Variants in PCDH15 observed in about 807,000 individuals in gnomAD.
PCDH15 encodes protocadherin related 15.
A neutral mutation model predicts 178.5 loss-of-function variants in PCDH15; 129 were observed. The ratio of observed to expected loss-of-function variants is 0.72; its 90% confidence interval spans 0.63 to 0.84. The LOEUF is 0.84. Ranked by LOEUF, PCDH15 falls within the 40% of genes least tolerant of loss-of-function variation. PCDH15 has a pLI of 0.00. For synonymous variants in PCDH15, 800 were observed against 732.0 expected (o/e 1.09, Z -1.50); for missense variants, 2,230 against 2,099.9 (o/e 1.06, Z -1.21).
chr10:54,528,099 A>C (rs544141566), intron 2 of PCDH15, among the ~76,000 whole-genome samples: 2 of 152,176 alleles, frequency 1.3e-5, no homozygotes, highest in African/African-American at 4.8e-5. Flanking sequence ...AACTACTCAA[A>C]TCTTACTGAG....
At chr10:54,810,335 T>G (rs1213096301) in intron 3 of PCDH15, among the ~76,000 whole-genome samples, 1 of 152,092 alleles carries the variant, frequency 6.6e-6, no homozygotes, top group African/African-American at 2.4e-5. Flanking sequence ...CATTACAGTT[T>G]GCTATGTGAC....
intron 10 of PCDH15, among the ~76,000 whole-genome samples, chr10:54,198,852 T>A (rs114192429): frequency 0.014 from 2,183 of 152,182 alleles, 41 homozygotes; most frequent in African/African-American, 0.05. Context: ...CTACAACTTT[T>A]CCTCTTTCCC....
At chr10:53,873,641 G>C (rs1292729140) in intron 26 of PCDH15, among the ~76,000 whole-genome samples, 2 of 152,114 alleles carry the variant, frequency 1.3e-5, no homozygotes, top group African/African-American at 2.4e-5. Flanking sequence ...ACAAATGTTC[G>C]ATAAAATATT....
intron 3 of PCDH15, among the ~76,000 whole-genome samples, chr10:54,387,777 C>T (rs1298223930): frequency 6.6e-6 from 1 of 152,182 alleles, no homozygotes; most frequent in African/African-American, 2.4e-5. Context: ...AAATTTGAGA[C>T]AGCTCCCATC....
At chr10:55,192,938 A>C (rs1180240922) in intron 1 of PCDH15, among the ~76,000 whole-genome samples, 2 of 151,302 alleles carry the variant, frequency 1.3e-5, no homozygotes, top group African/African-American at 4.9e-5. Context: ...AATAGATATA[A>C]AATATGCCTG....
At chr10:54,417,627 A>G (rs1339017061) in intron 3 of PCDH15, among the ~76,000 whole-genome samples, 5 of 152,194 alleles carry the variant, frequency 3.3e-5, no homozygotes, top group African/African-American at 1.2e-4. Context: ...ATTATTAATC[A>G]AATATAGAAT....
chr10:55,149,619 A>C (rs1838641853), intron 2 of PCDH15, among the ~76,000 whole-genome samples: 1 of 152,088 alleles, frequency 6.6e-6, no homozygotes, highest in Admixed American at 6.6e-5. Context: ...CATATACTGA[A>C]GGTTCCCATA....
chr10:55,083,306 T>A (rs377549450), intron 2 of PCDH15, among the ~76,000 whole-genome samples: 37 of 152,064 alleles, frequency 2.4e-4, no homozygotes, highest in African/African-American at 8.9e-4. Flanking sequence ...AAAAAACATA[T>A]GATCATTTCA....
At chr10:54,734,823 T>A (rs1943868760) in intron 1 of PCDH15, among the ~76,000 whole-genome samples, 2 of 151,912 alleles carry the variant, frequency 1.3e-5, no homozygotes, top group Non-Finnish European at 2.9e-5. Context: ...CATGCATGAT[T>A]TAATTTACAT....
intron 2 of PCDH15, among the ~76,000 whole-genome samples, chr10:55,339,943 A>T (rs1237650424): frequency 1.3e-5 from 2 of 151,758 alleles, no homozygotes; most frequent in Non-Finnish European, 2.9e-5. Context: ...AAGAAAAAAA[A>T]AACCCACAAA....
intron 2 of PCDH15, among the ~76,000 whole-genome samples, chr10:55,051,253 G>T (rs1841152860): frequency 6.6e-6 from 1 of 152,022 alleles, no homozygotes; most frequent in African/African-American, 2.4e-5. Context: ...ACTGCATTAT[G>T]AGGCAAGTAA....
rs1260518549 is a variant in PCDH15 at position 54,428,498 on chromosome 10, A to C, written c.158-49556T>G. ...CAGGCAACTTGTACCTTCACGTGGT[A>C]AATCTGGCAGCTTTTACTTAGTTGC... On this transcript the variant is annotated intron_variant, in intron 3 of 37. Coordinates refer to ENST00000644397, the MANE Select transcript of PCDH15 (RefSeq NM_001384140.1). Among the ~76,000 whole-genome samples the C allele has an allele frequency of 1.8e-4, 27 of 152,232 alleles. 1 individual carries two copies. The highest frequency in any genetic ancestry group is 3.2e-3 in the Middle Eastern group (1 of 316).
At chr10:53,837,707 A>G (rs1031087789) in intron 29 of PCDH15, among the ~76,000 whole-genome samples, 14 of 152,014 alleles carry the variant, frequency 9.2e-5, no homozygotes, top group African/African-American at 3.4e-4. Flanking sequence ...ACAACTACAG[A>G]ATAGATACCA....
rs564434116 is a variant in PCDH15 at position 53,887,648 on chromosome 10, G to A, written c.3501+15595C>T. 5.9e-5 allele frequency among the ~76,000 whole-genome samples: 9 copies of A among 152,258 alleles called. No homozygotes were observed. The East Asian group carries it at 1.7e-3, about 30-fold the overall frequency. On this transcript the variant is annotated intron_variant, in intron 26 of 37. Transcript: ENST00000644397. ...TCACGCCTGTAATCCCAGCACTTTG[G>A]GAGGCCGAGGCGGGCGGATCACGAG...
intron 1 of PCDH15, among the ~76,000 whole-genome samples, chr10:55,272,554 C>T (rs1032459714): frequency 3.3e-5 from 5 of 151,500 alleles, no homozygotes; most frequent in African/African-American, 4.9e-5. Context: ...GCTAATTTTT[C>T]GTATTGTTAG....
intron 9 of PCDH15, among the ~76,000 whole-genome samples, chr10:54,220,825 A>AAAAT (rs10595887): frequency 0.21 from 29,401 of 142,968 alleles, 3,643 homozygotes; most frequent in East Asian, 0.56. Context: ...ACTCCGTCTC[A>AAAAT]AAATAAATAA....
intron 2 of PCDH15, among the ~76,000 whole-genome samples, chr10:54,661,359 G>C (rs559019925): frequency 2.0e-5 from 3 of 151,946 alleles, no homozygotes; most frequent in African/African-American, 7.2e-5. Context: ...GGTAAAAGAT[G>C]TCCACAACAA....
At chr10:55,378,346 G>A (rs1258737237) in intron 2 of PCDH15, among the ~76,000 whole-genome samples, 1 of 152,082 alleles carries the variant, frequency 6.6e-6, no homozygotes, top group Non-Finnish European at 1.5e-5. Flanking sequence ...GGGAGAATGA[G>A]ATGAATCATA....
At chr10:55,616,201 G>GA (rs1324257497) in intron 2 of PCDH15, among the ~76,000 whole-genome samples, 11 of 152,064 alleles carry the variant, frequency 7.2e-5, no homozygotes, top group Admixed American at 7.2e-4. Flanking sequence ...AGTATTGACA[G>GA]AAAAATCACT....
Sources: gnomAD v4.1 joint callset for allele counts (sites outside exome capture counted in the v4.1 genomes callset) on GRCh38, gnomAD v4.1.1 for gene constraint, MANE v1.5 for transcripts, NCBI Gene and HGNC (gene_info 2026-07-23, HGNC 2026-07-21) for gene names.